The following HSPBP1 variants were observed in gnomAD, a reference collection of about 807,000 sequenced individuals.
HSPBP1 encodes the protein hsp70-binding protein 1.
HSPBP1 carries 31 observed loss-of-function variants against 41.7 expected under a neutral mutation model. That is an observed-to-expected ratio of 0.74 (90% CI 0.56 to 1.00). The LOEUF is 1.00. Ranked by LOEUF, HSPBP1 falls within the 50% of genes least tolerant of loss-of-function variation. HSPBP1 has a pLI of 0.00. For synonymous variants in HSPBP1, 199 were observed against 214.4 expected, an observed-to-expected ratio of 0.93 and a Z score of 0.63; for missense variants, 439 against 487.9, an observed-to-expected ratio of 0.90 and a Z score of 0.94.
Position 55,262,680 on chromosome 19 carries a change from C to A in HSPBP1, c.1008G>T (p.Glu336Asp). ...QLLQQHEEYQ[E>D]ELEFCEKLLQ... ...GCAGCTTTTCACAGAACTCCAGCTCCTCCTGGATTGGGCAGGGGCAGGGAG... is the reference window on the plus strand; with the variant it reads ...GCAGCTTTTCACAGAACTCCAGCTCATCCTGGATTGGGCAGGGGCAGGGAG... The change falls in exon 8 of 8, where the codon GAG becomes GAT. Residue 336 changes from glutamate (E) to aspartate (D), a missense_variant and splice_region_variant. Coordinates refer to ENST00000433386, the MANE Select transcript of HSPBP1 (RefSeq NM_012267.5). The A allele has an allele frequency of 6.2e-7, 1 of 1,612,626 alleles. No homozygotes were observed. The highest frequency in any genetic ancestry group is 2.2e-5 in the East Asian group (1 of 44,822).
chr19:55,274,847 A>G (rs2088028480), intron 3 of HSPBP1, among the ~76,000 whole-genome samples: 1 of 152,166 alleles, frequency 6.6e-6, no homozygotes, highest in Non-Finnish European at 1.5e-5. Context: ...ACAGACACCC[A>G]CAGAGGGACA....
intron 4 of HSPBP1, 76 bp from the exon 5 acceptor site, chr19:55,266,362 C>G (rs1208002553): frequency 7.0e-7 from 1 of 1,436,596 alleles, no homozygotes; most frequent in East Asian, 2.5e-5. Context: ...TCACCAACAT[C>G]ATCACAACCA....
At chr19:55,276,961 A>G (rs1233602756) in intron 3 of HSPBP1, among the ~76,000 whole-genome samples, 1 of 152,062 alleles carries the variant, frequency 6.6e-6, no homozygotes, top group Admixed American at 6.5e-5. Context: ...ACCTGCCCAA[A>G]CCAGACTGCC....
At position 55,266,007 on chromosome 19, in the gene HSPBP1, G is replaced by A. The variant is rs367710178; in HGVS notation, c.797-25C>T. On this transcript the variant is annotated intron_variant, in intron 5 of 7. Transcript: ENST00000433386. ...CCTGGGGGGAGGGCTGCAGGGGTCAGAGGGGCAGCCCCACCCATCTCCTAT... is the reference window on the plus strand; with the variant it reads ...CCTGGGGGGAGGGCTGCAGGGGTCAAAGGGGCAGCCCCACCCATCTCCTAT... The A allele has an allele frequency of 8.2e-6, 13 of 1,579,572 alleles. No homozygotes were observed. In the African/African-American group the frequency reaches 1.2e-4, roughly 15 times the overall value.
intron 4 of HSPBP1, among the ~76,000 whole-genome samples, chr19:55,273,936 G>A (rs2087990898): frequency 6.6e-6 from 1 of 150,682 alleles, no homozygotes; most frequent in East Asian, 1.9e-4. Context: ...AAAAAAAGAA[G>A]AAGAAGAATT....
Position 55,280,044 on chromosome 19 carries a change from T to G in HSPBP1, c.-104A>C. On this transcript the variant is annotated 5_prime_UTR_variant, in exon 1 of 8. Transcript: ENST00000433386. Reference sequence around the variant, plus strand: ...ATAAGGCGGATCTCACCTCCCCGGGTCCTCAAGCCGCCGCTGCTCCTACAG... The same window carrying G: ...ATAAGGCGGATCTCACCTCCCCGGGGCCTCAAGCCGCCGCTGCTCCTACAG... The G allele has an allele frequency of 4.1e-6, 1 of 242,822 alleles. No homozygotes were observed. The highest frequency in any genetic ancestry group is 8.1e-6 in the Non-Finnish European group (1 of 123,398). 15.0% of individuals were successfully genotyped at this position (242,822 alleles called of 1,614,324 possible).
At chr19:55,269,264 A>G (rs1258260982) in intron 4 of HSPBP1, among the ~76,000 whole-genome samples, 2 of 152,138 alleles carry the variant, frequency 1.3e-5, no homozygotes, top group Non-Finnish European at 2.9e-5. Context: ...CGACAACTAA[A>G]AATGTCTCCA....
chr19:55,278,923 C>CAAAA (rs34254075), intron 2 of HSPBP1, among the ~76,000 whole-genome samples: 11 of 90,652 alleles, frequency 1.2e-4, no homozygotes, highest in South Asian at 3.9e-4. Flanking sequence ...CTGCCCCCAC[C>CAAAA]AAAAAAAAAA....
chr19:55,264,829 G>T (rs866645113), intron 7 of HSPBP1, among the ~76,000 whole-genome samples: 4 of 152,254 alleles, frequency 2.6e-5, no homozygotes, highest in Middle Eastern at 3.4e-3. Context: ...GAAGATAAGT[G>T]AAATGCACGA....
chr19:55,275,178 C>A (rs189759664), intron 3 of HSPBP1, among the ~76,000 whole-genome samples: 4 of 152,312 alleles, frequency 2.6e-5, no homozygotes, highest in African/African-American at 9.6e-5. Flanking sequence ...AGGCTCCAGA[C>A]TACTAAATGC....
chr19:55,267,109 T>C (rs893437908), intron 4 of HSPBP1, among the ~76,000 whole-genome samples: 1 of 152,218 alleles, frequency 6.6e-6, no homozygotes, highest in Non-Finnish European at 1.5e-5. Context: ...CCTCCATTGA[T>C]GGAAGCATCA....
At chr19:55,266,322 C>A in intron 4 of HSPBP1, 36 bp from the exon 5 acceptor site, 2 of 1,517,258 alleles carry the variant, frequency 1.3e-6, no homozygotes, top group Non-Finnish European at 1.8e-6. Flanking sequence ...CTTGCAGTCA[C>A]CACCACCACC....
rs1012551375 is a variant in HSPBP1, at chr19:55,272,099, A to C, written c.640+2299T>G. Among the ~76,000 whole-genome samples the C allele has an allele frequency of 5.9e-5, 9 of 152,050 alleles. No individual in the cohort carries two copies. The highest frequency in any genetic ancestry group is 1.2e-4 in the Non-Finnish European group (8 of 67,992). On this transcript the variant is annotated intron_variant, in intron 4 of 7. Transcript: ENST00000433386. This position sits in a 1 kb window ranked among gnomAD's most constrained non-coding sequence, Gnocchi z 4.2. ...AAGAAAAAAAAAAAAGCCAACCTCG[A>C]ACAGATTAAATGTAGAGTTACGATA...
chr19:55,265,609 G>A (rs777524613), intron 6 of HSPBP1, among the ~76,000 whole-genome samples: 6 of 152,060 alleles, frequency 3.9e-5, no homozygotes, highest in Non-Finnish European at 7.4e-5. Context: ...GTCAACTCTG[G>A]TGTGCTGTTG....
At chr19:55,279,931 T>G (rs1600160312) in intron 1 of HSPBP1, 104 bp downstream of exon 1, 1 of 459,904 alleles carries the variant, frequency 2.2e-6, no homozygotes, top group African/African-American at 2.0e-5. Flanking sequence ...CTTAGCAACC[T>G]CACTGCTCCG....
At position 55,279,485 on chromosome 19, in the gene HSPBP1, G is replaced by A. The variant is rs772564497; in HGVS notation, c.124C>T (p.Pro42Ser). 2 of 1,606,374 alleles carry A rather than the reference G, an allele frequency of 1.2e-6. No individual in the cohort carries two copies. The highest frequency in any genetic ancestry group is 1.7e-6 in the Non-Finnish European group (2 of 1,178,484). The change falls in exon 2 of 8, where the codon CCA (proline) becomes TCA (serine). Residue 42 changes from proline to serine, a missense_variant. Transcript: ENST00000433386. ...TGCAGCAAGCCTTGGAGGTTGCGTG[G>A]GGGCCGGGAATTGCCCGAGCCCCCA... ...SAGGSGNSRP[P>S]RNLQGLLQMA...
intron 3 of HSPBP1, among the ~76,000 whole-genome samples, 196 bp from the exon 4 acceptor site, chr19:55,274,818 A>G (rs1438096090): frequency 6.6e-6 from 1 of 152,016 alleles, no homozygotes; most frequent in Admixed American, 6.6e-5. Context: ...GCGTCCTGAT[A>G]AGAAGAAGAG....
At chr19:55,265,665 C>T (rs1445057104) in intron 6 of HSPBP1, among the ~76,000 whole-genome samples, 3 of 152,020 alleles carry the variant, frequency 2.0e-5, no homozygotes, top group Non-Finnish European at 2.9e-5. Context: ...CTGGTGGGGG[C>T]GTGTACAGAA....
intron 2 of HSPBP1, among the ~76,000 whole-genome samples, chr19:55,278,380 C>T (rs1380682186): frequency 6.6e-6 from 1 of 152,122 alleles, no homozygotes; most frequent in Non-Finnish European, 1.5e-5. Context: ...CTGTTTCATG[C>T]CTCACTGTTG....
Sources: gnomAD v4.1 joint callset for allele counts (sites outside exome capture counted in the v4.1 genomes callset) on GRCh38, gnomAD v4.1.1 for gene constraint, Gnocchi (gnomAD v3.1) non-coding constraint, MANE v1.5 for transcripts, NCBI Gene and HGNC (gene_info 2026-07-23, HGNC 2026-07-21) for gene names.